The following FRMPD4 variants were observed in gnomAD, a reference collection of about 807,000 sequenced individuals.
FRMPD4 encodes FERM and PDZ domain containing 4, also known as FERM and PDZ domain-containing protein 4.
In FRMPD4, 22 loss-of-function variants were observed where a neutral mutation model predicts 94.1. The observed-to-expected ratio is 0.23, with a 90% confidence interval of 0.17 to 0.33. FRMPD4 has a LOEUF of 0.33. Among genes scored for constraint, FRMPD4 ranks in the 10% least tolerant of loss-of-function variants. The pLI is 1.00. For synonymous variants in FRMPD4, 631 were observed against 548.6 expected (o/e 1.15, Z -2.10); for missense variants, 1,111 against 1,339.9 (o/e 0.83, Z 2.67).
intron 1 of FRMPD4, among the ~76,000 whole-genome samples, chrX:12,152,371 T>G: frequency 9.0e-6 from 1 of 111,468 alleles, no homozygotes; most frequent in Non-Finnish European, 1.9e-5. Context: ...CAGGACATAT[T>G]TATTAAGTGA....
chrX:11,904,371 G>A (rs2053956263), intron 3 of FRMPD4, among the ~76,000 whole-genome samples: 1 of 112,167 alleles, frequency 8.9e-6, no homozygotes, highest in Non-Finnish European at 1.9e-5. Context: ...TAGGCTCAAA[G>A]CTAAGGAAGG....
intron 3 of FRMPD4, among the ~76,000 whole-genome samples, chrX:12,043,884 T>C (rs1438374988): frequency 8.9e-6 from 1 of 111,970 alleles, no homozygotes; most frequent in Non-Finnish European, 1.9e-5. Context: ...TCTGATAAAT[T>C]ACATGCTTTT....
At chrX:11,840,032 T>C (rs1340004059) in intron 1 of FRMPD4, among the ~76,000 whole-genome samples, 3 of 111,819 alleles carry the variant, frequency 2.7e-5, no homozygotes, top group Non-Finnish European at 5.7e-5. Context: ...TAACTTTGTT[T>C]CTCCTTTTTC....
At chrX:11,911,896 A>G (rs2053998655) in intron 3 of FRMPD4, among the ~76,000 whole-genome samples, 1 of 112,207 alleles carries the variant, frequency 8.9e-6, no homozygotes. Context: ...TGGACAGAGA[A>G]TGGAAGATGG....
chrX:11,902,604 G>A (rs1270215144), intron 3 of FRMPD4, among the ~76,000 whole-genome samples: 2 of 111,322 alleles, frequency 1.8e-5, no homozygotes, highest in Non-Finnish European at 3.8e-5. Flanking sequence ...TATCACATTG[G>A]GGGTTAGGAC....
At chrX:12,628,051 T>C (rs1360741893) in intron 4 of FRMPD4, among the ~76,000 whole-genome samples, 1 of 111,590 alleles carries the variant, frequency 9.0e-6, no homozygotes. Context: ...ATAAACCTTA[T>C]TGCCTAGAGA....
At chrX:12,585,562 C>A (rs1296033136) in intron 2 of FRMPD4, among the ~76,000 whole-genome samples, 1 of 112,040 alleles carries the variant, frequency 8.9e-6, no homozygotes, top group Non-Finnish European at 1.9e-5. Flanking sequence ...ACCTGCAGCC[C>A]AAGCTCCATT....
At chrX:12,633,040 G>C (rs374753311) in intron 4 of FRMPD4, among the ~76,000 whole-genome samples, 1 of 111,773 alleles carries the variant, frequency 8.9e-6, no homozygotes, top group East Asian at 2.8e-4. Flanking sequence ...ACACATCTCT[G>C]TGAGGGGCGT....
At chrX:12,690,957 C>A (rs2060074033) in intron 8 of FRMPD4, among the ~76,000 whole-genome samples, 1 of 111,932 alleles carries the variant, frequency 8.9e-6, no homozygotes, top group African/African-American at 3.3e-5. Context: ...CAACAAATTT[C>A]TCTTCCATAG....
In FRMPD4 at chrX:12,203,222, A is replaced by C. The variant is rs962107688; in HGVS notation, c.41+64210A>C. On this transcript the variant is annotated intron_variant, in intron 1 of 16. Transcript: ENST00000675598. ...ATAAAACACTCTAGATAAATTGAAC[A>C]GGAAAGGATCGAATATAGGGAATTA... 2.7e-5 allele frequency among the ~76,000 whole-genome samples: 3 copies of C among 111,882 alleles called. No homozygotes were observed. In the East Asian group the frequency reaches 8.4e-4, roughly 31 times the overall value.
intron 3 of FRMPD4, among the ~76,000 whole-genome samples, chrX:11,961,025 C>T (rs1044810082): frequency 8.9e-6 from 1 of 112,116 alleles, no homozygotes; most frequent in Non-Finnish European, 1.9e-5. Context: ...TTCTTTAAAT[C>T]TGTTCTGTGG....
At chrX:12,190,240 T>A (rs2056474634) in intron 1 of FRMPD4, among the ~76,000 whole-genome samples, 1 of 111,697 alleles carries the variant, frequency 9.0e-6, no homozygotes, top group African/African-American at 3.2e-5. Flanking sequence ...TATCCCATGT[T>A]CTTGGATAGG....
At chrX:11,841,264 T>A (rs2053534794) in intron 1 of FRMPD4, among the ~76,000 whole-genome samples, 1 of 110,495 alleles carries the variant, frequency 9.1e-6, no homozygotes, top group Non-Finnish European at 1.9e-5. Flanking sequence ...ATATACCCAC[T>A]AATGGGATGG....
intron 1 of FRMPD4, among the ~76,000 whole-genome samples, chrX:12,228,354 T>C (rs921886630): frequency 8.9e-6 from 1 of 112,447 alleles, no homozygotes; most frequent in Non-Finnish European, 1.9e-5. Context: ...AGAGAGCACA[T>C]TGTGGAAAAT....
intron 2 of FRMPD4, among the ~76,000 whole-genome samples, chrX:12,599,207 A>C (rs1159849545): frequency 9.0e-6 from 1 of 111,383 alleles, no homozygotes. Context: ...AATTTGATAG[A>C]GACAAACTCT....
chrX:12,696,830 T>C (rs1280282366), intron 9 of FRMPD4, among the ~76,000 whole-genome samples: 1 of 111,952 alleles, frequency 8.9e-6, no homozygotes, highest in African/African-American at 3.2e-5. Flanking sequence ...AGGCGGAAGA[T>C]GGAAGAGAGA....
intron 1 of FRMPD4, among the ~76,000 whole-genome samples, chrX:12,446,428 T>C (rs914642354): frequency 9.0e-6 from 1 of 111,206 alleles, no homozygotes. Flanking sequence ...GCAATTGAGG[T>C]GTTTTGAGGG....
chrX:12,392,602 G>A (rs766257275), intron 1 of FRMPD4, among the ~76,000 whole-genome samples: 32 of 110,475 alleles, frequency 2.9e-4, no homozygotes, highest in African/African-American at 9.5e-4. Flanking sequence ...GCCATGAGCC[G>A]AGATCATGCC....
rs1391777468 is a variant in FRMPD4, at chrX:12,166,269, G to T, written c.41+27257G>T. ...AGAGTTTTTAGCATGAAGGGCTGTTGAATTTTGTCAAAGGCCTTTTCTGCA... is the reference window on the plus strand; with the variant it reads ...AGAGTTTTTAGCATGAAGGGCTGTTTAATTTTGTCAAAGGCCTTTTCTGCA... On this transcript the variant is annotated intron_variant, in intron 1 of 16. Coordinates refer to ENST00000675598, the MANE Select transcript of FRMPD4 (RefSeq NM_001368397.1). Among the ~76,000 whole-genome samples, 54 of 112,103 alleles carry T rather than the reference G, an allele frequency of 4.8e-4. No homozygotes were observed. The Admixed American group carries it at 5.1e-3, about 11-fold the overall frequency.
Sources: allele counts gnomAD v4.1 joint callset (sites outside exome capture counted in the v4.1 genomes callset), GRCh38; gene constraint gnomAD v4.1.1; transcripts MANE v1.5; gene names NCBI Gene and HGNC (gene_info 2026-07-23, HGNC 2026-07-21).